The following KLRG1 variants were observed in gnomAD, a reference collection of about 807,000 sequenced individuals.
KLRG1 encodes killer cell lectin like receptor G1, also known as killer cell lectin-like receptor subfamily G member 1.
Under a neutral mutation model 21.8 loss-of-function variants are expected in KLRG1, and 16 were observed. The observed-to-expected ratio is 0.73, with a 90% CI of 0.50 to 1.11. KLRG1 has a LOEUF of 1.11. Among genes scored for constraint, KLRG1 ranks in the 50% most tolerant of loss-of-function variants. The pLI, the probability that KLRG1 is intolerant of heterozygous loss-of-function variation, is 0.00. For missense variants in KLRG1, 173 were observed against 218.3 expected (o/e 0.79, Z 1.31); for synonymous variants, 69 against 75.9 (o/e 0.91, Z 0.47).
chr12:8,993,966 T>TGC (rs1947056103), intron 2 of KLRG1, among the ~76,000 whole-genome samples: 1 of 152,328 alleles, frequency 6.6e-6, no homozygotes. Flanking sequence ...GGCGAGTTTA[T>TGC]GCACATATGT....
chr12:9,090,462 G>A, the KLRG1 span: 1 of 1,613,958 alleles, frequency 6.2e-7, no homozygotes, highest in Non-Finnish European at 8.5e-7. Flanking sequence ...AGGCGGGAGA[G>A]GCTTCCAGCT....
intron 1 of KLRG1, among the ~76,000 whole-genome samples, chr12:8,979,494 C>A (rs1176812152): frequency 6.6e-6 from 1 of 152,108 alleles, no homozygotes; most frequent in Non-Finnish European, 1.5e-5. Context: ...TTTAAAAATT[C>A]TCTTTGTCTT....
At chr12:9,000,484 T>C (rs563180776) in intron 3 of KLRG1, among the ~76,000 whole-genome samples, 91 of 152,316 alleles carry the variant, frequency 6.0e-4, no homozygotes, top group Non-Finnish European at 1.2e-3. Context: ...TACATTCACA[T>C]TGTTGTACAA....
chr12:8,994,916 G>A (rs1384558221), intron 2 of KLRG1, among the ~76,000 whole-genome samples: 1 of 152,176 alleles, frequency 6.6e-6, no homozygotes, highest in African/African-American at 2.4e-5. Flanking sequence ...TATATACTTA[G>A]TAGATGATGG....
chr12:9,009,230 G>A (rs1383377471), intron 4 of KLRG1, among the ~76,000 whole-genome samples, 155 bp downstream of exon 4: 4 of 129,918 alleles, frequency 3.1e-5, no homozygotes, highest in Non-Finnish European at 6.4e-5. Context: ...TGAACAATGG[G>A]TAAGGGCAAA....
the KLRG1 span, chr12:9,148,982 CCATGCTCTGTA>C: frequency 6.2e-7 from 1 of 1,611,276 alleles, no homozygotes; most frequent in Non-Finnish European, 8.5e-7. Flanking sequence ...TCAAACATTT[CCATGCTCTGTA>C]TCTATGGAGA....
chr12:9,155,922 T>C, the KLRG1 span: 1 of 159,792 alleles, frequency 6.3e-6, no homozygotes. Context: ...ATCTATGGAG[T>C]CACACCATCC....
the KLRG1 span, among the ~76,000 whole-genome samples, chr12:9,136,170 G>A: frequency 5.9e-5 from 9 of 152,142 alleles, no homozygotes; most frequent in African/African-American, 1.4e-4. Context: ...CCATGGCAAC[G>A]GGTTTTTAAA....
the KLRG1 span, chr12:9,027,934 T>C: frequency 1.1e-6 from 1 of 894,206 alleles, no homozygotes; most frequent in Non-Finnish European, 1.9e-6. Flanking sequence ...GCGCTAGCTC[T>C]CTCTTGCTTT....
At chr12:9,095,085 C>A in the KLRG1 span, 2 of 1,516,594 alleles carry the variant, frequency 1.3e-6, no homozygotes, top group Non-Finnish European at 9.0e-7. Flanking sequence ...AGCCCATGTC[C>A]TGCAAAGAAA....
the KLRG1 span, chr12:9,110,029 T>G: frequency 1.2e-6 from 2 of 1,610,538 alleles, no homozygotes. Flanking sequence ...CGATTTCCTT[T>G]GGGATCCTAT....
the KLRG1 span, among the ~76,000 whole-genome samples, chr12:9,132,330 T>C: frequency 6.6e-6 from 1 of 152,208 alleles, no homozygotes; most frequent in South Asian, 2.1e-4. Context: ...ATTTTCAAGA[T>C]AGGTCAGTGT....
chr12:9,082,733 CAAAG>C, the KLRG1 span, among the ~76,000 whole-genome samples: 1 of 152,062 alleles, frequency 6.6e-6, no homozygotes, highest in South Asian at 2.1e-4. Flanking sequence ...AAATCACTGA[CAAAG>C]AATTCAGAAT....
the KLRG1 span, among the ~76,000 whole-genome samples, chr12:9,029,342 A>G: frequency 6.6e-6 from 1 of 152,002 alleles, no homozygotes; most frequent in African/African-American, 2.4e-5. Flanking sequence ...CAGCCTCCCA[A>G]GTAGCTGGGA....
chr12:9,041,828 C>T, the KLRG1 span, among the ~76,000 whole-genome samples: 3 of 152,130 alleles, frequency 2.0e-5, no homozygotes, highest in African/African-American at 7.2e-5. Flanking sequence ...ACCATAGAAC[C>T]ATGAGAAATA....
chr12:9,094,901 A>G, the KLRG1 span: 39 of 784,676 alleles, frequency 5.0e-5, no homozygotes, highest in African/African-American at 5.9e-4. Context: ...TTTTTGTCAC[A>G]TTGTATCTTT....
the KLRG1 span, chr12:9,072,908 A>AT: frequency 6.4e-7 from 1 of 1,563,576 alleles, no homozygotes; most frequent in Non-Finnish European, 8.8e-7. Flanking sequence ...CCCATTGGGC[A>AT]TTATAAGGCT....
At chr12:9,091,147 CT>C in the KLRG1 span, 1 of 1,577,564 alleles carries the variant, frequency 6.3e-7, no homozygotes, top group African/African-American at 1.3e-5. Context: ...AGGAATGCAA[CT>C]TTTAATTTAC....
At chr12:9,078,277 T>C in the KLRG1 span, among the ~76,000 whole-genome samples, 4 of 101,034 alleles carry the variant, frequency 4.0e-5, no homozygotes, top group Admixed American at 9.1e-5. Flanking sequence ...CACTTATGAG[T>C]GAGAAATGTG....
Sources: gnomAD v4.1 joint callset for allele counts (sites outside exome capture counted in the v4.1 genomes callset) on GRCh38, gnomAD v4.1.1 for gene constraint, MANE v1.5 for transcripts, NCBI Gene and HGNC (gene_info 2026-07-23, HGNC 2026-07-21) for gene names.